TCHH: variants seen among roughly 807,000 people sequenced by gnomAD.
TCHH encodes trichohyalin.
A neutral mutation model predicts 6.3 loss-of-function variants in TCHH; 6 were observed. The ratio of observed to expected loss-of-function variants is 0.95; its 90% CI spans 0.52 to 1.88. TCHH has a LOEUF of 1.88. TCHH is among the 40% of genes most tolerant of loss of function. The probability of loss-of-function intolerance (pLI) is 0.01; values close to 1 mark genes in which losing one functional copy is unlikely to be tolerated. For missense variants in TCHH, 2,920 were observed against 2,449.1 expected (o/e 1.19, Z -4.06); for synonymous variants, 1,087 against 963.6 (o/e 1.13, Z -2.37).
In TCHH at chr1:152,110,461, T is replaced by A. The variant is rs1438140359; in HGVS notation, c.2756A>T (p.Glu919Val). 1 of 1,614,220 alleles carries A rather than the reference T, an allele frequency of 6.2e-7. No homozygotes were observed. The highest frequency in any genetic ancestry group is 1.3e-5 in the African/African-American group (1 of 75,060). The change falls in exon 3 of 3, where the codon GAG (glutamate) becomes GTG (valine). Residue 919 changes from glutamate (E) to valine (V), a missense_variant. Physicochemically the swap from Glu to Val is moderately radical, Grantham distance 121. Coordinates refer to ENST00000614923, the MANE Select transcript of TCHH (RefSeq NM_007113.4). The stretch of plus-strand genomic sequence containing the variant: ...CTCCTGTTCTTGGCGCCTTCTCTTC[T>A]CGCGCTCCTCTCTCTGTAGCTCCTC... The part of the protein sequence containing the change: ...EEEELQREER[E>V]KRRRQEQERQ...
In TCHH at chr1:152,112,960, T is replaced by G; in HGVS notation, c.257A>C (p.Tyr86Ser). Residue 86 changes from tyrosine (Y) to serine (S), a missense_variant, in exon 3 of 3, where the codon TAC becomes TCC. Tyr to Ser is a moderately radical substitution (Grantham distance 144, BLOSUM62 -2). Transcript: ENST00000614923. Reference sequence around the variant, plus strand: ...TCCCGTGGCCTGGCCGAGAGCATAGTAACAAGCTTGAGCCACTTTGAAAAT... The same window carrying G: ...TCCCGTGGCCTGGCCGAGAGCATAGGAACAAGCTTGAGCCACTTTGAAAAT... Reference protein sequence around the residue: ...LFIFKVAQACYYALGQATGLD... With the variant: ...LFIFKVAQACSYALGQATGLD... 1 of 1,613,996 alleles carries G rather than the reference T, an allele frequency of 6.2e-7. No homozygotes were observed.
At position 152,109,982 on chromosome 1, in the gene TCHH, G is replaced by C. The variant is rs1214686445; in HGVS notation, c.3235C>G (p.Gln1079Glu). 6.5e-7 allele frequency: 1 copy of C among 1,528,606 alleles called. No homozygotes were observed. The highest frequency in any genetic ancestry group is 1.5e-5 in the African/African-American group (1 of 67,230). 94.7% of individuals were successfully genotyped at this position (1,528,606 alleles called of 1,614,324 possible). A position where few individuals can be genotyped will look rare whatever the true frequency, so the allele number is the denominator to read the frequency against. The change falls in exon 3 of 3, where the codon CAA (glutamine) becomes GAA (glutamate). Residue 1079 changes from glutamine to glutamate, a missense_variant. By Grantham distance (29) the Gln-to-Glu change is conservative. Transcript: ENST00000614923. Reference protein sequence around the residue: ...ETRRRQELERQYRKEEELQQE... With the variant: ...ETRRRQELEREYRKEEELQQE... Reference sequence around the variant, plus strand: ...TGCAGCTCCTCTTCCTTCCGATATTGCCTCTCCAGCTCCTGGCGCCTTCTC... The same window carrying C: ...TGCAGCTCCTCTTCCTTCCGATATTCCCTCTCCAGCTCCTGGCGCCTTCTC...
rs769719245 is a variant in TCHH at position 152,111,141 on chromosome 1, C to T, written c.2076G>A (p.Gln692=). Residue 692 remains glutamine, a synonymous_variant, in exon 3 of 3, where the codon CAG becomes CAA. Transcript: ENST00000614923. ...EQELAEEEQE[Q]ARERIKSRIP... The stretch of plus-strand genomic sequence containing the variant: ...TGCGGCTCTTAATCCGCTCCCGGGC[C>T]TGTTCCTGCTCCTCCTCAGCTAGCT... 6.2e-7 allele frequency: 1 copy of T among 1,613,878 alleles called. No individual in the cohort carries two copies. Among genetic ancestry groups the T allele is most frequent in the Non-Finnish European group, 8.5e-7 (1 of 1,180,036 alleles).
Position 152,111,730 on chromosome 1 carries a change from C to T in TCHH, c.1487G>A (p.Arg496Lys), listed in dbSNP as rs1453467928. 1 of 1,594,338 alleles carries T rather than the reference C, an allele frequency of 6.3e-7. No individual in the cohort carries two copies. The highest frequency in any genetic ancestry group is 1.7e-5 in the Admixed American group (1 of 58,120). ...ERWLKLEEEE[R>K]REQQERREQQ... ...CTCGCGCCTCTCCTGCTGCTCGCGC[C>T]TCTCCTCCTCCTCGAGCTTCAGCCA... The change falls in exon 3 of 3, where the codon AGG becomes AAG. Residue 496 changes from arginine to lysine, a missense_variant. Arg to Lys is a conservative substitution (Grantham distance 26). Transcript: ENST00000614923.
Position 152,108,209 on chromosome 1 carries a change from G to A in TCHH, c.5008C>T (p.Arg1670Cys), listed in dbSNP as rs1368081497. The A allele has an allele frequency of 6.2e-7, 1 of 1,611,546 alleles. No homozygotes were observed. Among genetic ancestry groups the A allele is most frequent in the South Asian group, 1.1e-5 (1 of 90,910 alleles). The change falls in exon 3 of 3, where the codon CGT becomes TGT. Residue 1670 changes from arginine to cysteine, a missense_variant. Transcript: ENST00000614923. ...QLRHDRDRKF[R>C]EEEQLLQEGE... ...TCCTGGAGCAGCTGTTCCTCTTCACGGAATTTTCTGTCGCGGTCGTGACGC... is the reference window on the plus strand; with the variant it reads ...TCCTGGAGCAGCTGTTCCTCTTCACAGAATTTTCTGTCGCGGTCGTGACGC...
chr1:152,111,271 C>T lies in TCHH; in HGVS notation c.1946G>A (p.Arg649His), dbSNP rs779067180. The T allele has an allele frequency of 1.4e-5, 23 of 1,601,854 alleles. No homozygotes were observed. The South Asian group carries it at 2.5e-4, about 18-fold the overall frequency. The change falls in exon 3 of 3, where the codon CGC becomes CAC. Residue 649 changes from arginine (R) to histidine (H), a missense_variant. Transcript: ENST00000614923. ...QEERRQQQLR[R>H]EQQERREQRL... ...CTGCTCGCGCCTTTCCTGCTGCTCG[C>T]GCCTTAGTTGCTGCTGGCGCCTCTC...
intron 1 of TCHH, among the ~76,000 whole-genome samples, 173 bp from the exon 2 acceptor site, chr1:152,114,284 A>G (rs2101535541): frequency 6.6e-6 from 1 of 152,344 alleles, no homozygotes; most frequent in East Asian, 1.9e-4. Context: ...AGAAAGAGCG[A>G]TCCTGAGAAA....
chr1:152,108,770 G>T lies in TCHH; in HGVS notation c.4447C>A (p.Arg1483Ser), dbSNP rs765371735. 1 of 1,612,740 alleles carries T rather than the reference G, an allele frequency of 6.2e-7. No homozygotes were observed. The highest frequency in any genetic ancestry group is 8.5e-7 in the Non-Finnish European group (1 of 1,179,808). Reference protein sequence around the residue: ...REEQQLHRQERDRKFLEEEQQ... With the variant: ...REEQQLHRQESDRKFLEEEQQ... ...TCCTCCTCCAGGAATTTTCTGTCAC[G>T]CTCTTGGCGGTGCAGCTGCTGTTCT... The change falls in exon 3 of 3, where the codon CGT becomes AGT. Residue 1483 changes from arginine (R) to serine (S), a missense_variant. Coordinates refer to ENST00000614923, the MANE Select transcript of TCHH (RefSeq NM_007113.4).
chr1:152,113,839 TG>T, intron 2 of TCHH, 103 bp downstream of exon 2: 1 of 1,327,812 alleles, frequency 7.5e-7, no homozygotes, highest in Non-Finnish European at 1.0e-6. Flanking sequence ...AGACCTGTTG[TG>T]GTGTAAAATG....
In TCHH at chr1:152,108,632, G is replaced by C. The variant is rs75981854; in HGVS notation, c.4585C>G (p.Arg1529Gly). The C allele has an allele frequency of 4.6e-5, 74 of 1,602,204 alleles. No homozygotes were observed. Among genetic ancestry groups the C allele is most frequent in the Non-Finnish European group, 6.0e-5 (70 of 1,174,958 alleles). The change falls in exon 3 of 3, where the codon CGG becomes GGG. Residue 1529 changes from arginine to glycine, a missense_variant. Physicochemically the swap from Arg to Gly is moderately radical, Grantham distance 125. Transcript: ENST00000614923. Reference sequence around the variant, plus strand: ...TCCTCCTGGAGGAATTTTCTCTGCCGTTGCTGGCGGTGCAGCTGCTGTTCC... The same window carrying C: ...TCCTCCTGGAGGAATTTTCTCTGCCCTTGCTGGCGGTGCAGCTGCTGTTCC... ...EEEQQLHRQQRQRKFLQEEQQ... is the reference protein window; with the variant it reads ...EEEQQLHRQQGQRKFLQEEQQ...
rs1332654912 is a variant in TCHH, at chr1:152,107,314, C to G, written c.*71G>C. ...ACAACCAGAAACATCTGAGTTATCACTTGGTACCCAGTGTTTCTCATTTTC... is the reference window on the plus strand; with the variant it reads ...ACAACCAGAAACATCTGAGTTATCAGTTGGTACCCAGTGTTTCTCATTTTC... On this transcript the variant is annotated 3_prime_UTR_variant, in exon 3 of 3. Transcript: ENST00000614923. 4.3e-6 allele frequency: 6 copies of G among 1,411,702 alleles called. No individual in the cohort carries two copies. Among genetic ancestry groups the G allele is most frequent in the Non-Finnish European group, 4.8e-6 (5 of 1,045,304 alleles). The allele number at this position is 1,411,702 out of a possible 1,614,324, so 87.4% of individuals were successfully genotyped here.
In TCHH at chr1:152,111,778, T is replaced by A; in HGVS notation, c.1439A>T (p.Gln480Leu). The part of the protein sequence containing the change: ...ERRKQQLKRD[Q>L]EEERRERWLK... Reference sequence around the variant, plus strand: ...CCAACGTTCGCGCCTCTCCTCCTCCTGGTCGCGCTTCAGCTGCTGCTTGCG... The same window carrying A: ...CCAACGTTCGCGCCTCTCCTCCTCCAGGTCGCGCTTCAGCTGCTGCTTGCG... The change falls in exon 3 of 3, where the codon CAG becomes CTG. Residue 480 changes from glutamine (Q) to leucine (L), a missense_variant. Coordinates refer to ENST00000614923, the MANE Select transcript of TCHH (RefSeq NM_007113.4). 2 of 1,588,816 alleles carry A rather than the reference T, an allele frequency of 1.3e-6. No individual in the cohort carries two copies. Among genetic ancestry groups the A allele is most frequent in the Non-Finnish European group, 1.7e-6 (2 of 1,168,512 alleles).
chr1:152,111,375 C>G lies in TCHH; in HGVS notation c.1842G>C (p.Glu614Asp), dbSNP rs1658340446. Reference sequence around the variant, plus strand: ...CGCGCTTCAGCCGCTGCTCGCGCCTCTCCTCCTGCTCGAGTCTCTCCACCT... The same window carrying G: ...CGCGCTTCAGCCGCTGCTCGCGCCTGTCCTCCTGCTCGAGTCTCTCCACCT... ...REEVERLEQE[E>D]RREQRLKREE... The change falls in exon 3 of 3, where the codon GAG becomes GAC. Residue 614 changes from glutamate (E) to aspartate (D), a missense_variant. Coordinates refer to ENST00000614923, the MANE Select transcript of TCHH (RefSeq NM_007113.4). 1.2e-6 allele frequency: 2 copies of G among 1,611,260 alleles called. No homozygotes were observed. Among genetic ancestry groups the G allele is most frequent in the Middle Eastern group, 3.3e-4 (2 of 6,050 alleles).
At position 152,107,402 on chromosome 1, in the gene TCHH, A is replaced by C. The variant is rs1658132950; in HGVS notation, c.5815T>G (p.Ser1939Ala). The change falls in exon 3 of 3, where the codon TCT (serine) becomes GCT (alanine). Residue 1939 changes from serine to alanine, a missense_variant. Ser to Ala is a moderately conservative substitution (Grantham distance 99). Coordinates refer to ENST00000614923, the MANE Select transcript of TCHH (RefSeq NM_007113.4). ...PLYEYIQEQR[S>A]QYRP The stretch of plus-strand genomic sequence containing the variant: ...AACATCACTTAAGGGCGGTATTGAG[A>C]TCTCTGCTCTTGGATGTACTCATAG... 6.4e-7 allele frequency: 1 copy of C among 1,572,956 alleles called. No individual in the cohort carries two copies. The highest frequency in any genetic ancestry group is 1.4e-5 in the African/African-American group (1 of 73,092).
Position 152,112,086 on chromosome 1 carries a change from C to T in TCHH, c.1131G>A (p.Leu377=), listed in dbSNP as rs1658387232. Reference sequence around the variant, plus strand: ...CGCGCCTCAGCTGCTGCTCGCGCCTCAGCTGCTGCTCGCGCCTCTCCTCCT... The same window carrying T: ...CGCGCCTCAGCTGCTGCTCGCGCCTTAGCTGCTGCTCGCGCCTCTCCTCCT... ...EQEEERREQQ[L]RREQQLRREQ... The change falls in exon 3 of 3, where the codon CTG becomes CTA. Residue 377 remains leucine, a synonymous_variant. Coordinates refer to ENST00000614923, the MANE Select transcript of TCHH (RefSeq NM_007113.4). The T allele has an allele frequency of 6.4e-7, 1 of 1,569,370 alleles. No homozygotes were observed. Among genetic ancestry groups the T allele is most frequent in the Admixed American group, 1.8e-5 (1 of 56,916 alleles).
Position 152,108,585 on chromosome 1 carries a change from C to T in TCHH, c.4632G>A (p.Glu1544=), listed in dbSNP as rs200289586. 1.9e-6 allele frequency: 3 copies of T among 1,610,950 alleles called. No individual in the cohort carries two copies. The highest frequency in any genetic ancestry group is 4.5e-5 in the East Asian group (2 of 44,444). Residue 1544 remains glutamate (E), a synonymous_variant, in exon 3 of 3, where the codon GAG becomes GAA. Transcript: ENST00000614923. ...GGTCCTGACGCCGCTGTTGCCCGCG[C>T]TCCTGGCGGCGCAGCTGCTGTTCCT... ...LQEEQQLRRQ[E]RGQQRRQDRD... is the part of the protein sequence containing the mutation.
In TCHH at chr1:152,109,675, T is replaced by C; in HGVS notation, c.3542A>G (p.Glu1181Gly). ...CTCCTGTTCCTCTCTCAGCAGCTGC[T>C]CTTCCTCCTGCTGCAGCTCCTCTTC... ...REEEELQQEE[E>G]QLLREEQEKR... Residue 1181 changes from glutamate to glycine, a missense_variant, in exon 3 of 3, where the codon GAG becomes GGG. Physicochemically the swap from Glu to Gly is moderately conservative, Grantham distance 98 (BLOSUM62 -2). Transcript: ENST00000614923. The C allele has an allele frequency of 2.5e-6, 4 of 1,608,808 alleles. No individual in the cohort carries two copies. The South Asian group carries it at 3.3e-5, about 13-fold the overall frequency.
In TCHH at chr1:152,110,593, C is replaced by T. The variant is rs1376936739; in HGVS notation, c.2624G>A (p.Arg875Lys). 7.4e-6 allele frequency: 12 copies of T among 1,614,058 alleles called. No individual in the cohort carries two copies. The highest frequency in any genetic ancestry group is 1.0e-5 in the Non-Finnish European group (12 of 1,180,044). The change falls in exon 3 of 3, where the codon AGG becomes AAG. Residue 875 changes from arginine (R) to lysine (K), a missense_variant. By Grantham distance (26) the Arg-to-Lys change is conservative. Coordinates refer to ENST00000614923, the MANE Select transcript of TCHH (RefSeq NM_007113.4). ...CTTCCTTTCTTCTTCTAGTTGCCACCTCCATTTTTGGTCGCGGCGCTGCTC... is the reference window on the plus strand; with the variant it reads ...CTTCCTTTCTTCTTCTAGTTGCCACTTCCATTTTTGGTCGCGGCGCTGCTC... ...SQEQRRDQKWRWQLEEERKRR... is the reference protein window; with the variant it reads ...SQEQRRDQKWKWQLEEERKRR...
Position 152,107,584 on chromosome 1 carries a change from C to T in TCHH, c.5633G>A (p.Arg1878Lys). 1.9e-6 allele frequency: 3 copies of T among 1,614,108 alleles called. No individual in the cohort carries two copies. Among genetic ancestry groups the T allele is most frequent in the Non-Finnish European group, 2.5e-6 (3 of 1,180,002 alleles). ...GCGGATGTGTTCTTCCCGTAATTTC[C>T]TTTCCCGTTCCTGGCGACGTTTCTG... ...EEQKRRQERERKLREEHIRRQ... is the reference protein window; with the variant it reads ...EEQKRRQEREKKLREEHIRRQ... Residue 1878 changes from arginine to lysine, a missense_variant, in exon 3 of 3, where the codon AGG becomes AAG. Coordinates refer to ENST00000614923, the MANE Select transcript of TCHH (RefSeq NM_007113.4).
Sources: gnomAD v4.1 joint callset for allele counts (sites outside exome capture counted in the v4.1 genomes callset) on GRCh38, gnomAD v4.1.1 for gene constraint, MANE v1.5 for transcripts, NCBI Gene and HGNC (gene_info 2026-07-23, HGNC 2026-07-21) for gene names.